Variants in RELCH observed in about 807,000 individuals in gnomAD.
The protein encoded by RELCH is RAB11-binding protein RELCH.
RELCH carries 41 observed loss-of-function variants against 150.3 expected under a neutral mutation model. That is an observed-to-expected ratio of 0.27 (90% CI 0.21 to 0.35). The LOEUF is 0.35. Among genes scored for constraint, RELCH ranks in the 10% least tolerant of loss-of-function variants. The probability of loss-of-function intolerance (pLI) is 1.00; values close to 1 mark genes in which losing one functional copy is unlikely to be tolerated. For synonymous variants in RELCH, 478 were observed against 531.8 expected (o/e 0.90, Z 1.39); for missense variants, 1,092 against 1,467.8 (o/e 0.74, Z 4.18).
chr18:62,302,817 G>T (rs1205032244), intron 28 of RELCH, among the ~76,000 whole-genome samples: 1 of 152,134 alleles, frequency 6.6e-6, no homozygotes, highest in African/African-American at 2.4e-5. Flanking sequence ...GAGCCGCTGT[G>T]CCTGGCCCAA....
chr18:62,233,269 A>G (rs1450225918), intron 10 of RELCH, among the ~76,000 whole-genome samples: 1 of 151,862 alleles, frequency 6.6e-6, no homozygotes, highest in African/African-American at 2.4e-5. Context: ...AAAAAATTTT[A>G]TAAAGAATAA....
At chr18:62,219,251 C>T (rs1379734620) in intron 2 of RELCH, among the ~76,000 whole-genome samples, 1 of 150,688 alleles carries the variant, frequency 6.6e-6, no homozygotes, top group Admixed American at 6.6e-5. Flanking sequence ...TACTCTTGGT[C>T]ACCTAAACTT....
At chr18:62,258,936 T>C (rs1035264958) in intron 15 of RELCH, among the ~76,000 whole-genome samples, 2 of 152,046 alleles carry the variant, frequency 1.3e-5, no homozygotes, top group African/African-American at 4.8e-5. Flanking sequence ...TCCTACATTA[T>C]TCAGAAAGCC....
At chr18:62,291,266 G>T (rs1046794989) in intron 26 of RELCH, among the ~76,000 whole-genome samples, 1 of 152,042 alleles carries the variant, frequency 6.6e-6, no homozygotes, top group East Asian at 1.9e-4. Flanking sequence ...TGACTTAATT[G>T]TTACGCTCAC....
intron 27 of RELCH, among the ~76,000 whole-genome samples, chr18:62,298,093 T>TCCGC (rs558050733): frequency 1.3e-5 from 2 of 149,514 alleles, no homozygotes; most frequent in African/African-American, 5.0e-5. Context: ...ATTTGCTTTA[T>TCCGC]CCCCCCCCGT....
intron 12 of RELCH, among the ~76,000 whole-genome samples, chr18:62,254,295 C>T (rs1568385142): frequency 6.6e-6 from 1 of 151,910 alleles, no homozygotes; most frequent in Non-Finnish European, 1.5e-5. Context: ...TGTATTTTTC[C>T]GAGTAGTGTA....
At chr18:62,244,504 A>C (rs1410040323) in intron 10 of RELCH, among the ~76,000 whole-genome samples, 1 of 152,134 alleles carries the variant, frequency 6.6e-6, no homozygotes, top group Non-Finnish European at 1.5e-5. Context: ...GGCCCTTGGG[A>C]AGTACTAGAT....
chr18:62,289,766 ATTACCT>A (rs1428694498), intron 26 of RELCH, among the ~76,000 whole-genome samples: 1 of 152,206 alleles, frequency 6.6e-6, no homozygotes, highest in Non-Finnish European at 1.5e-5. Context: ...GATGGAACTA[ATTACCT>A]TTAACTTTCG....
chr18:62,292,637 C>T (rs1276811063), intron 27 of RELCH, among the ~76,000 whole-genome samples: 2 of 152,220 alleles, frequency 1.3e-5, no homozygotes, highest in East Asian at 1.9e-4. Context: ...TTCAGCATGG[C>T]CAATCCCCTC....
At chr18:62,282,862 T>C (rs1169043904) in intron 25 of RELCH, among the ~76,000 whole-genome samples, 2 of 152,148 alleles carry the variant, frequency 1.3e-5, no homozygotes, top group Non-Finnish European at 2.9e-5. Context: ...TTTGCCATGT[T>C]GGCCAGGCTG....
intron 27 of RELCH, among the ~76,000 whole-genome samples, chr18:62,295,168 T>C (rs2045343192): frequency 6.6e-6 from 1 of 152,334 alleles, no homozygotes; most frequent in Non-Finnish European, 1.5e-5. Flanking sequence ...TAGATTCTGA[T>C]TGAAATTGAA....
intron 28 of RELCH, chr18:62,300,087 C>A (rs1015882053): frequency 6.6e-6 from 1 of 152,094 alleles, no homozygotes; most frequent in African/African-American, 2.4e-5. Flanking sequence ...AGAATGTCAC[C>A]CTTTTATTCC....
At chr18:62,263,096 A>G (rs1010141045) in intron 16 of RELCH, among the ~76,000 whole-genome samples, 2 of 152,014 alleles carry the variant, frequency 1.3e-5, no homozygotes, top group African/African-American at 4.8e-5. Context: ...ATAAGCGACT[A>G]CTTCAGTATG....
At chr18:62,268,061 A>G (rs1001246724) in intron 19 of RELCH, among the ~76,000 whole-genome samples, 2 of 152,058 alleles carry the variant, frequency 1.3e-5, no homozygotes, top group African/African-American at 4.8e-5. Flanking sequence ...TTTTCAACTC[A>G]ATTTCTTTAT....
chr18:62,239,676 C>T (rs960136498), intron 10 of RELCH, among the ~76,000 whole-genome samples: 9 of 152,058 alleles, frequency 5.9e-5, no homozygotes, highest in Non-Finnish European at 8.8e-5. Flanking sequence ...GGTCTGTCCC[C>T]TGTAGGTGGG....
chr18:62,261,787 G>A (rs1463327139), intron 16 of RELCH, 129 bp downstream of exon 16: 2 of 711,536 alleles, frequency 2.8e-6, no homozygotes, highest in Admixed American at 3.0e-5. Flanking sequence ...TATTATGTGT[G>A]TAGAATCTCA....
chr18:62,198,110 A>G (rs1477450452), intron 1 of RELCH, among the ~76,000 whole-genome samples: 3 of 152,222 alleles, frequency 2.0e-5, no homozygotes, highest in Non-Finnish European at 4.4e-5. Flanking sequence ...TGCCTAAAGC[A>G]TCACTTCATT....
chr18:62,265,891 A>G (rs192176007), intron 18 of RELCH, among the ~76,000 whole-genome samples: 1 of 152,148 alleles, frequency 6.6e-6, no homozygotes, highest in East Asian at 1.9e-4. Context: ...AGAGGAGGGC[A>G]AAAACCAGAC....
chr18:62,208,859 A>T (rs2039982586), intron 1 of RELCH, among the ~76,000 whole-genome samples: 1 of 152,162 alleles, frequency 6.6e-6, no homozygotes, highest in Non-Finnish European at 1.5e-5. Flanking sequence ...GCATAGTAGA[A>T]ATCTCACAGT....
Sources: allele counts gnomAD v4.1 joint callset (sites outside exome capture counted in the v4.1 genomes callset), GRCh38; gene constraint gnomAD v4.1.1; transcripts MANE v1.5; gene names NCBI Gene and HGNC (gene_info 2026-07-23, HGNC 2026-07-21).